The following DNAH14 variants were observed in gnomAD, a reference collection of about 807,000 sequenced individuals.
DNAH14 encodes dynein axonemal heavy chain 14.
Under a neutral mutation model 520.9 loss-of-function variants are expected in DNAH14, and 478 were observed. The ratio of observed to expected loss-of-function variants is 0.92; its 90% CI spans 0.85 to 0.99. The LOEUF (loss-of-function observed/expected upper bound fraction) is 0.99, where lower values mean the gene tolerates loss of function less well. Ranked by LOEUF, DNAH14 falls within the 50% of genes least tolerant of loss-of-function variation. The pLI is 0.00. For synonymous variants in DNAH14, 1,581 were observed against 1,757.2 expected (o/e 0.90, Z 2.51); for missense variants, 4,831 against 5,234.5 (o/e 0.92, Z 2.38).
At chr1:224,945,226 G>A (rs957574394) in intron 1 of DNAH14, among the ~76,000 whole-genome samples, 10 of 151,304 alleles carry the variant, frequency 6.6e-5, no homozygotes, top group South Asian at 2.1e-4. Context: ...TTCTCTTCTC[G>A]CTTCATTTCA....
chr1:225,302,009 T>C (rs2150073176), intron 56 of DNAH14, among the ~76,000 whole-genome samples: 1 of 150,774 alleles, frequency 6.6e-6, no homozygotes, highest in South Asian at 2.1e-4. Context: ...AAAAAGAAAT[T>C]TCAATTTGGA....
At chr1:224,967,385 T>A in intron 5 of DNAH14, 46 bp from the exon 6 acceptor site, 9 of 1,389,142 alleles carry the variant, frequency 6.5e-6, no homozygotes, top group Non-Finnish European at 8.6e-6. Context: ...TTAGTTAATT[T>A]AGTCAAATTA....
intron 36 of DNAH14, among the ~76,000 whole-genome samples, chr1:225,178,072 G>A (rs913948496): frequency 3.3e-5 from 5 of 152,184 alleles, no homozygotes; most frequent in East Asian, 1.9e-4. Context: ...TTGCATCAGC[G>A]TGATCTGGAT....
In DNAH14 at chr1:225,068,616, A is replaced by T. The variant is rs998834964; in HGVS notation, c.2425-10591A>T. Among the ~76,000 whole-genome samples, 4 of 152,004 alleles carry T rather than the reference A, an allele frequency of 2.6e-5. No individual in the cohort carries two copies. In the South Asian group the frequency reaches 8.3e-4, roughly 32 times the overall value. ...TCTCCATTTGTTTGTATCCTCTCTG[A>T]TTTCCCTGAGCAGTGGTTTGTAGTT... On this transcript the variant is annotated intron_variant, in intron 17 of 85. Transcript: ENST00000682510.
intron 11 of DNAH14, among the ~76,000 whole-genome samples, chr1:225,035,649 TG>T (rs1231687809): frequency 1.3e-5 from 2 of 152,122 alleles, no homozygotes; most frequent in East Asian, 3.9e-4. Context: ...GTGATTGATT[TG>T]TAGGGTTTTT....
chr1:225,178,996 G>A (rs1239217838), intron 36 of DNAH14, among the ~76,000 whole-genome samples: 2 of 152,138 alleles, frequency 1.3e-5, no homozygotes, highest in Non-Finnish European at 2.9e-5. Flanking sequence ...CATATAAGGT[G>A]TGACTTGCTT....
At chr1:225,362,430 C>A (rs916260203) in intron 75 of DNAH14, among the ~76,000 whole-genome samples, 3 of 152,006 alleles carry the variant, frequency 2.0e-5, no homozygotes, top group Non-Finnish European at 2.9e-5. Context: ...CAAAAATTAG[C>A]CGGGCGTGGT....
At chr1:225,118,088 G>A (rs1321508853) in intron 25 of DNAH14, 89 bp downstream of exon 25, 4 of 998,794 alleles carry the variant, frequency 4.0e-6, no homozygotes, top group Admixed American at 2.0e-5. Context: ...TTATAAAAGT[G>A]CGCTAAGCAA....
At position 225,380,325 on chromosome 1, in the gene DNAH14, G is replaced by T; in HGVS notation, c.12880+3G>T. 1 of 1,550,326 alleles carries T rather than the reference G, an allele frequency of 6.5e-7. No homozygotes were observed. Among genetic ancestry groups the T allele is most frequent in the Non-Finnish European group, 8.7e-7 (1 of 1,146,318 alleles). Reference sequence around the variant, plus strand: ...GTCTCTTTCTAAAAATCTCAAAGGTGAGCATGGGACAGGAGCTTTTTCCCC... The same window carrying T: ...GTCTCTTTCTAAAAATCTCAAAGGTTAGCATGGGACAGGAGCTTTTTCCCC... On this transcript the variant is annotated splice_donor_region_variant and intron_variant, in intron 80 of 85. Coordinates refer to ENST00000682510, the MANE Select transcript of DNAH14 (RefSeq NM_001367479.1).
intron 1 of DNAH14, among the ~76,000 whole-genome samples, chr1:224,952,353 AT>A (rs2060231611): frequency 6.6e-6 from 1 of 152,236 alleles, no homozygotes; most frequent in Non-Finnish European, 1.5e-5. Flanking sequence ...CCCTAAGAAA[AT>A]AATCTTAAAA....
chr1:225,237,601 C>T (rs960237159), intron 42 of DNAH14, among the ~76,000 whole-genome samples: 2 of 152,020 alleles, frequency 1.3e-5, no homozygotes, highest in Non-Finnish European at 2.9e-5. Context: ...TTGATTTTTT[C>T]GTGGAGCATC....
At chr1:225,163,994 A>G (rs1443486445) in intron 35 of DNAH14, among the ~76,000 whole-genome samples, 1 of 152,154 alleles carries the variant, frequency 6.6e-6, no homozygotes, top group Non-Finnish European at 1.5e-5. Flanking sequence ...AATGTATGCT[A>G]AAAAATAATA....
intron 55 of DNAH14, among the ~76,000 whole-genome samples, chr1:225,299,751 A>G (rs1287262576): frequency 6.6e-6 from 1 of 152,142 alleles, no homozygotes. Context: ...TTCTGGCCAT[A>G]TCATTGCTTT....
At chr1:224,974,470 T>C (rs1313555825) in intron 8 of DNAH14, among the ~76,000 whole-genome samples, 1 of 152,226 alleles carries the variant, frequency 6.6e-6, no homozygotes, top group African/African-American at 2.4e-5. Flanking sequence ...TGTTAGGATC[T>C]CCATCAGCCA....
chr1:225,204,408 GTTTA>G, intron 39 of DNAH14, 135 bp downstream of exon 39: 1 of 509,996 alleles, frequency 2.0e-6, no homozygotes, highest in South Asian at 3.4e-5. Flanking sequence ...TTGTTCGTAT[GTTTA>G]TTTAAAATTT....
intron 77 of DNAH14, among the ~76,000 whole-genome samples, chr1:225,369,276 C>A (rs767251353): frequency 2.0e-5 from 3 of 151,888 alleles, no homozygotes; most frequent in Non-Finnish European, 4.4e-5. Context: ...TGGATGCATT[C>A]TCTCAATAAA....
rs201807754 is a variant in DNAH14, at chr1:224,967,474, G to A, written c.542G>A (p.Arg181Gln). 3.0e-5 allele frequency: 47 copies of A among 1,571,196 alleles called. No individual in the cohort carries two copies. Among genetic ancestry groups the A allele is most frequent in the South Asian group, 4.9e-5 (4 of 81,584 alleles). ...DDGEFVYCLP[R>Q]KSPKSLYNPY... Reference sequence around the variant, plus strand: ...GGAGAATTTGTTTATTGCCTTCCTCGGAAAAGTCCTAAATCCCTTTACAAT... The same window carrying A: ...GGAGAATTTGTTTATTGCCTTCCTCAGAAAAGTCCTAAATCCCTTTACAAT... The change falls in exon 6 of 86, where the codon CGG (arginine) becomes CAG (glutamine). Residue 181 changes from arginine to glutamine, a missense_variant. Transcript: ENST00000682510.
At chr1:225,033,138 A>G (rs1289753049) in intron 11 of DNAH14, among the ~76,000 whole-genome samples, 2 of 152,098 alleles carry the variant, frequency 1.3e-5, no homozygotes, top group African/African-American at 2.4e-5. Context: ...TGTCTTCATC[A>G]TTAAATCTTT....
At chr1:225,207,363 A>G in intron 41 of DNAH14, 143 bp downstream of exon 41, 1 of 787,932 alleles carries the variant, frequency 1.3e-6, no homozygotes, top group Non-Finnish European at 1.8e-6. Flanking sequence ...TGCACATGGA[A>G]CAAATTAAAA....
Sources: gnomAD v4.1 joint callset for allele counts (sites outside exome capture counted in the v4.1 genomes callset) on GRCh38, gnomAD v4.1.1 for gene constraint, MANE v1.5 for transcripts, NCBI Gene and HGNC (gene_info 2026-07-23, HGNC 2026-07-21) for gene names.